TMEM79: variants seen among roughly 807,000 people sequenced by gnomAD.
The protein encoded by TMEM79 is transmembrane protein 79.
In TMEM79, 30 loss-of-function variants were observed where a neutral mutation model predicts 31.2. The ratio of observed to expected loss-of-function variants is 0.96; its 90% CI spans 0.72 to 1.30. The LOEUF (loss-of-function observed/expected upper bound fraction) is 1.30. TMEM79 is among the 50% of genes most tolerant of loss of function. TMEM79 has a pLI of 0.00. For missense variants in TMEM79, 509 were observed against 528.2 expected (o/e 0.96, Z 0.36); for synonymous variants, 213 against 229.5 (o/e 0.93, Z 0.65).
At position 156,291,166 on chromosome 1, in the gene TMEM79, A is replaced by G. The variant is rs1397540376; in HGVS notation, c.972-219A>G. The G allele has an allele frequency of 7.1e-6, 4 of 562,794 alleles. No homozygotes were observed. The Admixed American group carries it at 1.2e-4, about 18-fold the overall frequency. The allele number at this position is 562,794 out of a possible 1,614,324, so 34.9% of individuals were successfully genotyped here. On this transcript the variant is annotated intron_variant, in intron 3 of 3. Coordinates refer to ENST00000405535, the MANE Select transcript of TMEM79 (RefSeq NM_032323.3). The stretch of plus-strand genomic sequence containing the variant: ...AAGAGGGAAAGGAATAACATACTCA[A>G]CTTCATAAAGATGTGGGGAAGTCAA...
Position 156,285,687 on chromosome 1 carries a change from G to T in TMEM79, c.461G>T (p.Gly154Val). 1 of 1,613,648 alleles carries T rather than the reference G, an allele frequency of 6.2e-7. No homozygotes were observed. Among genetic ancestry groups the T allele is most frequent in the South Asian group, 1.1e-5 (1 of 91,084 alleles). ...ATCGTGCGCTGTGAGGCAGGCGAGG[G>T]CGAGTGCCGAACCTTCATGCCCCCC... ...DLIVRCEAGE[G>V]ECRTFMPPRV... The change falls in exon 2 of 4, where the codon GGC (glycine) becomes GTC (valine). Residue 154 changes from glycine (G) to valine (V), a missense_variant. Coordinates refer to ENST00000405535, the MANE Select transcript of TMEM79 (RefSeq NM_032323.3).
rs1663344661 is a variant in TMEM79 at position 156,291,699 on chromosome 1, C to T, written c.*101C>T. 9.2e-7 allele frequency: 1 copy of T among 1,091,714 alleles called. No homozygotes were observed. The highest frequency in any genetic ancestry group is 1.3e-5 in the South Asian group (1 of 77,306). 67.6% of individuals were successfully genotyped at this position (1,091,714 alleles called of 1,614,324 possible). A position where few individuals can be genotyped will look rare whatever the true frequency, so the allele number is the denominator to read the frequency against. On this transcript the variant is annotated 3_prime_UTR_variant, in exon 4 of 4. Transcript: ENST00000405535. ...TGGACTTCGCCCCCAGGCCTAGGACCGCGGTGGGTGGAACCCTGCTACTGC... is the reference window on the plus strand; with the variant it reads ...TGGACTTCGCCCCCAGGCCTAGGACTGCGGTGGGTGGAACCCTGCTACTGC...
chr1:156,286,313 G>A lies in TMEM79; in HGVS notation c.811G>A (p.Gly271Arg). 6.2e-7 allele frequency: 1 copy of A among 1,614,220 alleles called. No individual in the cohort carries two copies. Among genetic ancestry groups the A allele is most frequent in the Non-Finnish European group, 8.5e-7 (1 of 1,180,042 alleles). ...ATGCTTTTCTGCCCTTCGGCCCTTT[G>A]GGGAGCCACGGCGGGAGGTGGAGAT... The part of the protein sequence containing the change: ...LLCFSALRPF[G>R]EPRREVEIHR... Residue 271 changes from glycine (G) to arginine (R), a missense_variant, in exon 3 of 4, where the codon GGG (glycine) becomes AGG (arginine). By Grantham distance (125) the Gly-to-Arg change is moderately radical. Transcript: ENST00000405535.
rs1558253699 is a variant in TMEM79 at position 156,291,546 on chromosome 1, A to G, written c.1133A>G (p.Tyr378Cys). 6.2e-7 allele frequency: 1 copy of G among 1,609,700 alleles called. No individual in the cohort carries two copies. Among genetic ancestry groups the G allele is most frequent in the South Asian group, 1.1e-5 (1 of 91,052 alleles). Residue 378 changes from tyrosine (Y) to cysteine (C), a missense_variant, in exon 4 of 4, where the codon TAC becomes TGC. By Grantham distance (194) the Tyr-to-Cys change is radical. Coordinates refer to ENST00000405535, the MANE Select transcript of TMEM79 (RefSeq NM_032323.3). ...ACTGCCACCGAGAGCCGCCTGGACT[A>G]CCCGGACCACGCCCGCTCGGCCTCC... ...MLTATESRLD[Y>C]PDHARSASDY...
At chr1:156,283,162 C>CT, upstream of TMEM79, 1 of 263,206 alleles carries the variant, frequency 3.8e-6, no homozygotes. Flanking sequence ...AGCCAAGCCT[C>CT]TTTCAGATTA....
chr1:156,291,580 G>A lies in TMEM79; in HGVS notation c.1167G>A (p.Arg389=). ...ACGCCCGCTCGGCCTCCGACTACAGGCCCCGCCCCTGGGGCTGAGCCTCTC... is the reference window on the plus strand; with the variant it reads ...ACGCCCGCTCGGCCTCCGACTACAGACCCCGCCCCTGGGGCTGAGCCTCTC... ...PDHARSASDY[R]PRPWG The change falls in exon 4 of 4, where the codon AGG becomes AGA. Residue 389 remains arginine, a synonymous_variant. Coordinates refer to ENST00000405535, the MANE Select transcript of TMEM79 (RefSeq NM_032323.3). 1 of 1,611,312 alleles carries A rather than the reference G, an allele frequency of 6.2e-7. No individual in the cohort carries two copies. The highest frequency in any genetic ancestry group is 8.5e-7 in the Non-Finnish European group (1 of 1,179,914).
In TMEM79 at chr1:156,285,883, T is replaced by A. The variant is rs1663142529; in HGVS notation, c.657T>A (p.Tyr219Ter). Reference sequence around the variant, plus strand: ...TCCCTTGCCTACTATACGGGGCATATGCCTTCCTGCCGTTTGATGTCCCAC... The same window carrying A: ...TCCCTTGCCTACTATACGGGGCATAAGCCTTCCTGCCGTTTGATGTCCCAC... Reference protein sequence around the residue: ...ILFPCLLYGAYAFLPFDVPRL... With the variant: ...ILFPCLLYGA Residue 219 changes from tyrosine (Y) to a stop codon, truncating the protein, a stop_gained, in exon 2 of 4, where the codon TAT (tyrosine) becomes TAA (stop). Transcript: ENST00000405535. LOFTEE classifies it high-confidence loss of function. 1 of 1,613,782 alleles carries A rather than the reference T, an allele frequency of 6.2e-7. No individual in the cohort carries two copies. Among genetic ancestry groups the A allele is most frequent in the Non-Finnish European group, 8.5e-7 (1 of 1,179,998 alleles).
At position 156,285,527 on chromosome 1, in the gene TMEM79, C is replaced by T. The variant is rs772493348; in HGVS notation, c.301C>T (p.Pro101Ser). Residue 101 changes from proline to serine, a missense_variant, in exon 2 of 4, where the codon CCC becomes TCC. Transcript: ENST00000405535. ...PPGWRDIEPEPPESEPLTKLE... is the reference protein window; with the variant it reads ...PPGWRDIEPESPESEPLTKLE... ...TGGCTGGCGGGACATTGAACCAGAG[C>T]CCCCTGAGTCAGAACCACTTACCAA... The T allele has an allele frequency of 1.2e-6, 2 of 1,614,084 alleles. No individual in the cohort carries two copies. The highest frequency in any genetic ancestry group is 1.1e-5 in the South Asian group (1 of 91,094).
rs1409034172 is a variant in TMEM79 at position 156,285,445 on chromosome 1, T to C, written c.219T>C (p.Ala73=). ...EDGLDSTVSE[A]ATLPWGTGPQ... ...GTCTAGACAGCACAGTAAGTGAGGCTGCCACCTTGCCCTGGGGGACTGGCC... is the reference window on the plus strand; with the variant it reads ...GTCTAGACAGCACAGTAAGTGAGGCCGCCACCTTGCCCTGGGGGACTGGCC... Residue 73 remains alanine, a synonymous_variant, in exon 2 of 4, where the codon GCT becomes GCC. Transcript: ENST00000405535. The C allele has an allele frequency of 2.5e-6, 4 of 1,613,836 alleles. No homozygotes were observed. The highest frequency in any genetic ancestry group is 1.7e-5 in the Admixed American group (1 of 60,008).
In TMEM79 at chr1:156,285,908, C is replaced by A. The variant is rs755500391; in HGVS notation, c.682C>A (p.Arg228=). Residue 228 remains arginine, a synonymous_variant, in exon 2 of 4, where the codon CGG becomes AGG. Coordinates refer to ENST00000405535, the MANE Select transcript of TMEM79 (RefSeq NM_032323.3). ...AYAFLPFDVP[R]LPTMSSRLIY... ...TGCCTTCCTGCCGTTTGATGTCCCA[C>A]GGCTGCCCACCATGAGTTCCCGCCT... 1 of 1,599,290 alleles carries A rather than the reference C, an allele frequency of 6.3e-7. No homozygotes were observed. The highest frequency in any genetic ancestry group is 1.4e-5 in the African/African-American group (1 of 71,846).
intron 3 of TMEM79, among the ~76,000 whole-genome samples, chr1:156,289,169 T>A (rs888326935): frequency 6.6e-6 from 1 of 152,118 alleles, no homozygotes; most frequent in African/African-American, 2.4e-5. Context: ...TCATGTAGAG[T>A]ACTTAAAACA....
chr1:156,291,412 G>A lies in TMEM79; in HGVS notation c.999G>A (p.Val333=). Reference sequence around the variant, plus strand: ...TGATCTACTGGCTGACCTTTGCCGTGGGCCGCTCCTTCCGAGGCTTCGGCT... The same window carrying A: ...TGATCTACTGGCTGACCTTTGCCGTAGGCCGCTCCTTCCGAGGCTTCGGCT... The part of the protein sequence containing the change: ...SRLIYWLTFA[V]GRSFRGFGYG... The change falls in exon 4 of 4, where the codon GTG becomes GTA. Residue 333 remains valine, a synonymous_variant. Coordinates refer to ENST00000405535, the MANE Select transcript of TMEM79 (RefSeq NM_032323.3). 6.2e-7 allele frequency: 1 copy of A among 1,613,958 alleles called. No individual in the cohort carries two copies. The highest frequency in any genetic ancestry group is 1.7e-5 in the Admixed American group (1 of 60,014).
rs1378262727 is a variant in TMEM79, at chr1:156,291,376, C to T, written c.972-9C>T. 2 of 1,612,928 alleles carry T rather than the reference C, an allele frequency of 1.2e-6. No individual in the cohort carries two copies. Among genetic ancestry groups the T allele is most frequent in the South Asian group, 2.2e-5 (2 of 91,072 alleles). ...CGAGAGTAGCCTGACCCTTTTCTTG[C>T]CCCCATAGGCTGATCTACTGGCTGA... On this transcript the variant is annotated splice_polypyrimidine_tract_variant and intron_variant, in intron 3 of 3. Transcript: ENST00000405535.
chr1:156,285,262 G>T lies in TMEM79; in HGVS notation c.36G>T (p.Val12=). ...AGGAGACCCTGGCCCTACTGGAAGT[G>T]AAGAGGTCTGATTCCCCAGAGAAGA... The part of the protein sequence containing the change: ...TEQETLALLE[V]KRSDSPEKSS... Residue 12 remains valine, a synonymous_variant, in exon 2 of 4, where the codon GTG becomes GTT. Transcript: ENST00000405535. 6.4e-7 allele frequency: 1 copy of T among 1,556,346 alleles called. No individual in the cohort carries two copies. Among genetic ancestry groups the T allele is most frequent in the South Asian group, 1.2e-5 (1 of 80,870 alleles).
Position 156,285,254 on chromosome 1 carries a change from C to A in TMEM79, c.28C>A (p.Leu10Met), listed in dbSNP as rs145032352. 465 of 1,550,062 alleles carry A rather than the reference C, an allele frequency of 3.0e-4. No individual in the cohort carries two copies. Among genetic ancestry groups the A allele is most frequent in the Admixed American group, 9.3e-4 (44 of 47,534 alleles). Residue 10 changes from leucine (L) to methionine (M), a missense_variant, in exon 2 of 4, where the codon CTG (leucine) becomes ATG (methionine). Leu to Met is a conservative substitution (Grantham distance 15, BLOSUM62 2). Transcript: ENST00000405535. MTEQETLAL[L>M]EVKRSDSPEK... Reference sequence around the variant, plus strand: ...GACAGAACAGGAGACCCTGGCCCTACTGGAAGTGAAGAGGTCTGATTCCCC... The same window carrying A: ...GACAGAACAGGAGACCCTGGCCCTAATGGAAGTGAAGAGGTCTGATTCCCC...
In TMEM79 at chr1:156,285,349, C is replaced by G. The variant is rs758029131; in HGVS notation, c.123C>G (p.Ser41=). ...CAGAAGGGGAAGGTGGGGCCGAATCCCCGGGAGCTGAGTCCCTCAGAGTGG... is the reference window on the plus strand; with the variant it reads ...CAGAAGGGGAAGGTGGGGCCGAATCGCCGGGAGCTGAGTCCCTCAGAGTGG... ...RQPEGEGGAE[S]PGAESLRVGS... The change falls in exon 2 of 4, where the codon TCC becomes TCG. Residue 41 remains serine (S), a synonymous_variant. Coordinates refer to ENST00000405535, the MANE Select transcript of TMEM79 (RefSeq NM_032323.3). 4 of 1,572,530 alleles carry G rather than the reference C, an allele frequency of 2.5e-6. No homozygotes were observed. The highest frequency in any genetic ancestry group is 3.4e-6 in the Non-Finnish European group (4 of 1,161,366).
chr1:156,285,427 C>G lies in TMEM79; in HGVS notation c.201C>G (p.Asp67Glu), dbSNP rs567874349. The G allele has an allele frequency of 4.3e-6, 7 of 1,612,378 alleles. 1 individual carries two copies. In the South Asian group the frequency reaches 7.7e-5, roughly 18 times the overall value. Residue 67 changes from aspartate (D) to glutamate (E), a missense_variant, in exon 2 of 4, where the codon GAC becomes GAG. By Grantham distance (45) the Asp-to-Glu change is conservative (BLOSUM62 2). Transcript: ENST00000405535. The stretch of plus-strand genomic sequence containing the variant: ...TAGAGGGGGCTGAGGATGGTCTAGA[C>G]AGCACAGTAAGTGAGGCTGCCACCT... ...TAIEGAEDGL[D>E]STVSEAATLP...
At position 156,285,052 on chromosome 1, in the gene TMEM79, C is replaced by T. The variant is rs1572606332; in HGVS notation, c.-43-132C>T. The T allele has an allele frequency of 2.1e-5, 13 of 612,920 alleles. No homozygotes were observed. In the South Asian group the frequency reaches 3.3e-4, roughly 16 times the overall value. 38.0% of individuals were successfully genotyped at this position (612,920 alleles called of 1,614,324 possible). ...TGTTTCAGTGTCTTCCTCTGTACCACGTTCTCCCTAAGGCTCCAGAAGGGG... is the reference window on the plus strand; with the variant it reads ...TGTTTCAGTGTCTTCCTCTGTACCATGTTCTCCCTAAGGCTCCAGAAGGGG... On this transcript the variant is annotated intron_variant, in intron 1 of 3. Coordinates refer to ENST00000405535, the MANE Select transcript of TMEM79 (RefSeq NM_032323.3).
Position 156,286,364 on chromosome 1 carries a change from G to C in TMEM79, c.862G>C (p.Val288Leu). The change falls in exon 3 of 4, where the codon GTC becomes CTC. Residue 288 changes from valine (V) to leucine (L), a missense_variant. Coordinates refer to ENST00000405535, the MANE Select transcript of TMEM79 (RefSeq NM_032323.3). ...CCACCGGCGATATGTGGCCCAGTCG[G>C]TCCAGCTCTTTATTCTCTACTTCTT... The part of the protein sequence containing the change: ...EIHRRYVAQS[V>L]QLFILYFFNL... 1 of 1,614,208 alleles carries C rather than the reference G, an allele frequency of 6.2e-7. No homozygotes were observed. Among genetic ancestry groups the C allele is most frequent in the Non-Finnish European group, 8.5e-7 (1 of 1,180,036 alleles).
Sources: gnomAD v4.1 joint callset for allele counts (sites outside exome capture counted in the v4.1 genomes callset) on GRCh38, gnomAD v4.1.1 for gene constraint, MANE v1.5 for transcripts, NCBI Gene and HGNC (gene_info 2026-07-23, HGNC 2026-07-21) for gene names.